SIPA1L2: variants seen among roughly 807,000 people sequenced by gnomAD.
The protein encoded by SIPA1L2 is signal induced proliferation associated 1 like 2.
In SIPA1L2, 56 loss-of-function variants were observed where a neutral mutation model predicts 163.9. The ratio of observed to expected loss-of-function variants is 0.34; its 90% CI spans 0.28 to 0.43. The LOEUF (loss-of-function observed/expected upper bound fraction) is 0.43, where lower values mean the gene tolerates loss of function less well. Among genes scored for constraint, SIPA1L2 ranks in the 20% least tolerant of loss-of-function variants. SIPA1L2 has a pLI of 1.00. For synonymous variants in SIPA1L2, 877 were observed against 865.7 expected, an observed-to-expected ratio of 1.01 and a Z score of -0.23; for missense variants, 1,974 against 2,193.5, an observed-to-expected ratio of 0.90 and a Z score of 2.00.
intron 7 of SIPA1L2, among the ~76,000 whole-genome samples, chr1:232,475,478 A>C (rs1203856860): frequency 6.6e-6 from 1 of 152,222 alleles, no homozygotes; most frequent in Non-Finnish European, 1.5e-5. Context: ...CTTGATTTTT[A>C]AGAGGCGTAT....
rs909375312 is a variant in SIPA1L2, at chr1:232,431,587, G to T, written c.4256+660C>A. 2.6e-5 allele frequency among the ~76,000 whole-genome samples: 4 copies of T among 152,296 alleles called. 1 individual carries two copies. The highest frequency in any genetic ancestry group is 4.1e-4 in the South Asian group (2 of 4,822). On this transcript the variant is annotated intron_variant, in intron 16 of 22. Transcript: ENST00000674635. ...GCACACAGACCTGATCATTTAGCAC[G>T]AGTATTCTGTTAAGCTTCTTTACGA...
chr1:232,582,233 G>A (rs1453564137), intron 1 of SIPA1L2, among the ~76,000 whole-genome samples: 1 of 151,800 alleles, frequency 6.6e-6, no homozygotes, highest in Admixed American at 6.6e-5. Context: ...TTTGTTACAT[G>A]GGTATATTGC....
At chr1:232,405,363 A>T (rs1660576162) in intron 19 of SIPA1L2, among the ~76,000 whole-genome samples, 2 of 152,234 alleles carry the variant, frequency 1.3e-5, no homozygotes, top group East Asian at 3.9e-4. Flanking sequence ...GATGATAAAC[A>T]TTCTATAACT....
At position 232,572,768 on chromosome 1, in the gene SIPA1L2, TA is replaced by T. The variant is rs1558277841; in HGVS notation, c.-270+1405del. ...ATATATATATATATATATATATATA[TA>T]TATATATATATTTATTTATTTATTT... On this transcript the variant is annotated intron_variant, in intron 2 of 22. Transcript: ENST00000674635. Among the ~76,000 whole-genome samples the T allele has an allele frequency of 8.6e-3, 708 of 82,252 alleles. 34 individuals are homozygous for T. In the East Asian group the frequency reaches 0.11, roughly 13 times the overall value. The allele number at this position is 82,252 out of a possible 152,430, so 54.0% of individuals were successfully genotyped here. A position where few individuals can be genotyped will look rare whatever the true frequency, so the allele number is the denominator to read the frequency against.
chr1:232,616,276 T>A (rs1482253380), intron 1 of SIPA1L2, among the ~76,000 whole-genome samples: 1 of 152,142 alleles, frequency 6.6e-6, no homozygotes, highest in Non-Finnish European at 1.5e-5. Context: ...ACACAAAGCA[T>A]CATAAAACCC....
chr1:232,515,644 A>C, intron 2 of SIPA1L2, 36 bp from the exon 3 acceptor site: 1 of 304,820 alleles, frequency 3.3e-6, no homozygotes, highest in Admixed American at 4.5e-5. Flanking sequence ...ATTAGCAATT[A>C]ATATGCTTCA....
intron 10 of SIPA1L2, among the ~76,000 whole-genome samples, chr1:232,455,181 T>C (rs921590901): frequency 6.6e-6 from 1 of 152,266 alleles, no homozygotes; most frequent in Non-Finnish European, 1.5e-5. Flanking sequence ...CTTTGTTCTG[T>C]ATTGTTTTCA....
chr1:232,539,617 C>T (rs994513188), intron 2 of SIPA1L2, among the ~76,000 whole-genome samples: 14 of 152,116 alleles, frequency 9.2e-5, no homozygotes, highest in African/African-American at 2.9e-4. Flanking sequence ...GGATCTCACG[C>T]AGGTTGTACA....
At chr1:232,528,813 T>C (rs749960385) in intron 2 of SIPA1L2, among the ~76,000 whole-genome samples, 2 of 152,168 alleles carry the variant, frequency 1.3e-5, no homozygotes, top group African/African-American at 4.8e-5. Flanking sequence ...TCAAATAACA[T>C]CAAAACTTCA....
At chr1:232,402,599 G>T in intron 21 of SIPA1L2, 126 bp from the exon 22 acceptor site, 1 of 709,838 alleles carries the variant, frequency 1.4e-6, no homozygotes, top group Non-Finnish European at 2.2e-6. Flanking sequence ...ATTATATTAT[G>T]TCAGAATGGG....
chr1:232,404,724 C>A (rs996118663), intron 19 of SIPA1L2, among the ~76,000 whole-genome samples: 1 of 152,146 alleles, frequency 6.6e-6, no homozygotes, highest in African/African-American at 2.4e-5. Flanking sequence ...GCTCTGGGGG[C>A]TGAGCACTGA....
rs371442648 is a variant in SIPA1L2 at position 232,471,514 on chromosome 1, C to A, written c.2100G>T (p.Arg700Ser). The change falls in exon 8 of 23, where the codon AGG becomes AGT. Residue 700 changes from arginine (R) to serine (S), a missense_variant. Transcript: ENST00000674635. ...PNNRQQLLRK[R>S]HIGNDIVTIV... is the part of the protein sequence containing the mutation. ...TGGTGACGATGTCATTTCCTATGTG[C>A]CTTTTCCTCAGTAGCTGTGGTCAAG... 9.9e-6 allele frequency: 16 copies of A among 1,612,672 alleles called. No individual in the cohort carries two copies. Among genetic ancestry groups the A allele is most frequent in the Non-Finnish European group, 1.4e-5 (16 of 1,179,594 alleles).
At chr1:232,510,972 G>A (rs1297107749) in intron 3 of SIPA1L2, among the ~76,000 whole-genome samples, 1 of 152,132 alleles carries the variant, frequency 6.6e-6, no homozygotes, top group Non-Finnish European at 1.5e-5. Flanking sequence ...GGGGATTTCA[G>A]GGCATAATAA....
At chr1:232,498,973 T>G (rs1444087595) in intron 3 of SIPA1L2, among the ~76,000 whole-genome samples, 1 of 152,192 alleles carries the variant, frequency 6.6e-6, no homozygotes, top group Non-Finnish European at 1.5e-5. Context: ...TGTTGAACAG[T>G]GGATGTCTCA....
chr1:232,420,304 C>T (rs565640541), intron 18 of SIPA1L2, among the ~76,000 whole-genome samples: 8 of 151,972 alleles, frequency 5.3e-5, no homozygotes, highest in African/African-American at 1.7e-4. Flanking sequence ...GCTTGAGCAA[C>T]AAGAGCGAAA....
chr1:232,443,640 G>T lies in SIPA1L2; in HGVS notation c.3399C>A (p.Gly1133=), dbSNP rs527314807. 6.2e-7 allele frequency: 1 copy of T among 1,608,932 alleles called. No homozygotes were observed. The highest frequency in any genetic ancestry group is 1.3e-5 in the African/African-American group (1 of 74,740). The change falls in exon 12 of 23, where the codon GGC becomes GGA. Residue 1133 remains glycine, a synonymous_variant. Coordinates refer to ENST00000674635, the MANE Select transcript of SIPA1L2 (RefSeq NM_020808.5). ...NQSSSSDPGP[G]GSGPWRPQVG... Reference sequence around the variant, plus strand: ...CTTGTGGTCTCCAGGGTCCGCTCCCGCCGGGTCCAGGGTCGCTGGAGGATG... The same window carrying T: ...CTTGTGGTCTCCAGGGTCCGCTCCCTCCGGGTCCAGGGTCGCTGGAGGATG...
At chr1:232,539,361 GA>G (rs1657503806) in intron 2 of SIPA1L2, among the ~76,000 whole-genome samples, 1 of 152,174 alleles carries the variant, frequency 6.6e-6, no homozygotes, top group Admixed American at 6.5e-5. Flanking sequence ...GGTCAAACGA[GA>G]ACACTCAAAA....
intron 18 of SIPA1L2, 90 bp from the exon 19 acceptor site, chr1:232,415,715 C>T: frequency 6.4e-7 from 1 of 1,561,876 alleles, no homozygotes; most frequent in Non-Finnish European, 8.7e-7. Context: ...CACTGCCCCT[C>T]CCAGAGTCAG....
intron 2 of SIPA1L2, among the ~76,000 whole-genome samples, chr1:232,537,583 G>A (rs904943355): frequency 2.6e-5 from 4 of 152,138 alleles, no homozygotes; most frequent in Admixed American, 6.5e-5. Context: ...TTTTGTGTCC[G>A]TCACCCTTGT....
Sources: allele counts gnomAD v4.1 joint callset (sites outside exome capture counted in the v4.1 genomes callset), GRCh38; gene constraint gnomAD v4.1.1; transcripts MANE v1.5; gene names NCBI Gene and HGNC (gene_info 2026-07-23, HGNC 2026-07-21).